The following MLXIPL variants were observed in gnomAD, a reference collection of about 807,000 sequenced individuals.
The protein encoded by MLXIPL is carbohydrate-responsive element-binding protein.
In MLXIPL, 49 loss-of-function variants were observed where a neutral mutation model predicts 81.5. The ratio of observed to expected loss-of-function variants is 0.60; its 90% CI spans 0.48 to 0.76. The LOEUF is 0.76. MLXIPL is among the 30% of genes least tolerant of loss of function. The pLI is 0.00. For missense variants in MLXIPL, 1,053 were observed against 1,167.0 expected (o/e 0.90, Z 1.42); for synonymous variants, 466 against 485.5 (o/e 0.96, Z 0.53).
Position 73,596,646 on chromosome 7 carries a change from C to T in MLXIPL, c.1815G>A (p.Ala605=), listed in dbSNP as rs781864781. ...VPKAERLSPP[A]PSGSERRLSG... is the part of the protein sequence containing the mutation. ...TGCAACCCCTCTCTTTACCGCTGGG[C>T]GCTGGGGGTGAGAGCCGCTCCGCTT... Residue 605 remains alanine, a synonymous_variant, in exon 11 of 17, where the codon GCG becomes GCA. Coordinates refer to ENST00000313375, the MANE Select transcript of MLXIPL (RefSeq NM_032951.3). The surrounding 1 kb of genome is among the most constrained non-coding windows in gnomAD (Gnocchi z 4.7). 25 of 1,596,186 alleles carry T rather than the reference C, an allele frequency of 1.6e-5. No homozygotes were observed. The highest frequency in any genetic ancestry group is 4.5e-5 in the East Asian group (2 of 44,564).
At position 73,596,490 on chromosome 7, in the gene MLXIPL, G is replaced by A; in HGVS notation, c.1823-11C>T. On this transcript the variant is annotated splice_polypyrimidine_tract_variant and intron_variant, in intron 11 of 16. Coordinates refer to ENST00000313375, the MANE Select transcript of MLXIPL (RefSeq NM_032951.3). The surrounding 1 kb of genome is among the most constrained non-coding windows in gnomAD (Gnocchi z 4.7). ...GCCGCCGTTCACTGCCTGTGGTAGG[G>A]ACAGACAGACCCACAGAAAGACCGA... 1 of 1,612,726 alleles carries A rather than the reference G, an allele frequency of 6.2e-7. No homozygotes were observed. The highest frequency in any genetic ancestry group is 8.5e-7 in the Non-Finnish European group (1 of 1,179,846).
chr7:73,599,619 C>A lies in MLXIPL; in HGVS notation c.978G>T (p.Val326=), dbSNP rs371240168. The change falls in exon 8 of 17, where the codon GTG becomes GTT. Residue 326 remains valine (V), a synonymous_variant. Coordinates refer to ENST00000313375, the MANE Select transcript of MLXIPL (RefSeq NM_032951.3). ...NFPEPPSFSP[V]VDSLFSSGTL... is the part of the protein sequence containing the mutation. The stretch of plus-strand genomic sequence containing the variant: ...TCCCACTGCTGAAGAGGGAGTCAAC[C>A]ACGGGGCTGAAGCTGGGGGGCTCTG... 1.9e-6 allele frequency: 3 copies of A among 1,611,046 alleles called. No individual in the cohort carries two copies. Among genetic ancestry groups the A allele is most frequent in the South Asian group, 1.1e-5 (1 of 90,858 alleles).
intron 2 of MLXIPL, among the ~76,000 whole-genome samples, chr7:73,613,789 C>A (rs117864867): frequency 1.1e-3 from 163 of 152,278 alleles, no homozygotes; most frequent in Non-Finnish European, 2.0e-3. Flanking sequence ...AGCTGGAGAT[C>A]AGTGTGTCTG....
chr7:73,609,236 CTTTTTTTTTTTT>C (rs11304600), intron 2 of MLXIPL: 4 of 75,476 alleles, frequency 5.3e-5, no homozygotes, highest in African/African-American at 1.1e-4. Context: ...TCCCTGGCCA[CTTTTTTTTTTTT>C]TTTTTTTTTT....
At chr7:73,628,195 C>G (rs1796782627), upstream of MLXIPL, among the ~76,000 whole-genome samples, 1 of 152,044 alleles carries the variant, frequency 6.6e-6, no homozygotes, top group Non-Finnish European at 1.5e-5. Flanking sequence ...CAGATCACCC[C>G]ACCGTGCTCT....
the MLXIPL span, among the ~76,000 whole-genome samples, chr7:73,633,336 C>T: frequency 8.7e-4 from 128 of 147,596 alleles, no homozygotes; most frequent in East Asian, 0.024. Flanking sequence ...CCTGCCTCGG[C>T]CTCCCAAAGT....
At chr7:73,638,395 C>T in the MLXIPL span, among the ~76,000 whole-genome samples, 1 of 152,214 alleles carries the variant, frequency 6.6e-6, no homozygotes, top group African/African-American at 2.4e-5. Context: ...ACCTCCACCT[C>T]CCAGGTTCAA....
chr7:73,601,495 G>C (rs1290936267), intron 7 of MLXIPL, among the ~76,000 whole-genome samples: 1 of 152,036 alleles, frequency 6.6e-6, no homozygotes, highest in East Asian at 1.9e-4. Context: ...CAGAAAGGAG[G>C]TGCCCAGAGA....
rs1433589862 is a variant in MLXIPL, at chr7:73,597,517, G to C, written c.1268C>G (p.Ala423Gly). The change falls in exon 9 of 17, where the codon GCT becomes GGT. Residue 423 changes from alanine (A) to glycine (G), a missense_variant. Physicochemically the swap from Ala to Gly is moderately conservative, Grantham distance 60 (BLOSUM62 0). Coordinates refer to ENST00000313375, the MANE Select transcript of MLXIPL (RefSeq NM_032951.3). ...GAAGAGAGGCTCTTCCTGCAGCAAA[G>C]CAGTGGGTGGTGCCATGGGAGGGAA... ...PPFPPMAPPT[A>G]LLQEEPLFSP... 1 of 1,396,720 alleles carries C rather than the reference G, an allele frequency of 7.2e-7. No individual in the cohort carries two copies. The highest frequency in any genetic ancestry group is 1.5e-5 in the African/African-American group (1 of 67,966). The allele number at this position is 1,396,720 out of a possible 1,614,324, so 86.5% of individuals were successfully genotyped here.
At chr7:73,617,207 C>T (rs1372025529) in intron 1 of MLXIPL, among the ~76,000 whole-genome samples, 1 of 151,936 alleles carries the variant, frequency 6.6e-6, no homozygotes, top group Non-Finnish European at 1.5e-5. Context: ...TTAGTAAAGA[C>T]GGGGTTTCAC....
intron 15 of MLXIPL, among the ~76,000 whole-genome samples, chr7:73,595,423 GT>G (rs1794196502): frequency 6.6e-6 from 1 of 152,124 alleles, no homozygotes; most frequent in South Asian, 2.1e-4. Flanking sequence ...TCCTCCCTCA[GT>G]TTCCCTCTCT....
At chr7:73,626,732 C>T (rs1796762031), upstream of MLXIPL, among the ~76,000 whole-genome samples, 1 of 152,176 alleles carries the variant, frequency 6.6e-6, no homozygotes, top group South Asian at 2.1e-4. Context: ...TAGTAGATTT[C>T]CAGATTTCCC....
chr7:73,624,192 G>A lies in MLXIPL; in HGVS notation c.293+8C>T. On this transcript the variant is annotated splice_region_variant and intron_variant, in intron 1 of 16. Transcript: ENST00000313375. Reference sequence around the variant, plus strand: ...GCCAAGGCCGTCAGGGCCCGGAACCGCCCTCACCTGTAGGCCAGGCTCAAG... The same window carrying A: ...GCCAAGGCCGTCAGGGCCCGGAACCACCCTCACCTGTAGGCCAGGCTCAAG... 2 of 1,199,128 alleles carry A rather than the reference G, an allele frequency of 1.7e-6. No individual in the cohort carries two copies. The highest frequency in any genetic ancestry group is 2.2e-6 in the Non-Finnish European group (2 of 905,104). The allele number at this position is 1,199,128 out of a possible 1,614,324, so 74.3% of individuals were successfully genotyped here. A position where few individuals can be genotyped will look rare whatever the true frequency, so the allele number is the denominator to read the frequency against.
intron 2 of MLXIPL, 94 bp downstream of exon 2, chr7:73,615,977 G>T: frequency 2.0e-6 from 2 of 1,006,868 alleles, no homozygotes; most frequent in Non-Finnish European, 3.1e-6. Flanking sequence ...GGACCCCGGG[G>T]ATTTTCCTGG....
intron 2 of MLXIPL, among the ~76,000 whole-genome samples, chr7:73,613,228 G>GT (rs1179067332): frequency 6.6e-6 from 1 of 152,148 alleles, no homozygotes; most frequent in African/African-American, 2.4e-5. Flanking sequence ...GACATTTGTT[G>GT]TATGTGTGTC....
the MLXIPL span, among the ~76,000 whole-genome samples, chr7:73,636,272 C>G: frequency 6.6e-6 from 1 of 151,668 alleles, no homozygotes; most frequent in Non-Finnish European, 1.5e-5. Flanking sequence ...TAGCCGGATC[C>G]GGTGGTTTAT....
intron 1 of MLXIPL, among the ~76,000 whole-genome samples, chr7:73,616,848 C>CAAAAA (rs35467108): frequency 1.9e-5 from 1 of 51,626 alleles, no homozygotes; most frequent in Non-Finnish European, 3.7e-5. Flanking sequence ...AACTCCGTCT[C>CAAAAA]AAAAAAAAAA....
intron 2 of MLXIPL, among the ~76,000 whole-genome samples, chr7:73,612,037 T>C (rs1262506610): frequency 6.6e-6 from 1 of 151,412 alleles, no homozygotes; most frequent in Non-Finnish European, 1.5e-5. Context: ...AAGATGAAGT[T>C]TGTCCTGGTA....
At position 73,599,498 on chromosome 7, in the gene MLXIPL, AGGGCTGGACG is replaced by A; in HGVS notation, c.1071+18_1071+27del. On this transcript the variant is annotated intron_variant, in intron 8 of 16. Transcript: ENST00000313375. ...GGAACAGCTCTCAAGTGAGCTACAC[AGGGCTGGACG>A]GGGTGGGGTGAGCTCACCTGCAGAC... The A allele has an allele frequency of 6.2e-7, 1 of 1,610,942 alleles. No individual in the cohort carries two copies.
Sources: gnomAD v4.1 joint callset for allele counts (sites outside exome capture counted in the v4.1 genomes callset) on GRCh38, gnomAD v4.1.1 for gene constraint, Gnocchi (gnomAD v3.1) non-coding constraint, MANE v1.5 for transcripts, NCBI Gene and HGNC (gene_info 2026-07-23, HGNC 2026-07-21) for gene names.